RANBP9: variants seen among roughly 807,000 people sequenced by gnomAD.
The protein encoded by RANBP9 is RAN binding protein 9.
Under a neutral mutation model 84.3 loss-of-function variants are expected in RANBP9, and 15 were observed. The observed-to-expected ratio is 0.18, with a 90% CI of 0.12 to 0.27. The LOEUF is 0.27. RANBP9 is among the 10% of genes least tolerant of loss of function. RANBP9 has a pLI of 1.00. For synonymous variants in RANBP9, 392 were observed against 349.6 expected (o/e 1.12, Z -1.35); for missense variants, 809 against 912.8 (o/e 0.89, Z 1.46).
chr6:13,703,554 T>C (rs1758028372), intron 1 of RANBP9, among the ~76,000 whole-genome samples: 1 of 152,192 alleles, frequency 6.6e-6, no homozygotes, highest in African/African-American at 2.4e-5. Flanking sequence ...TCAACACAGG[T>C]TAGCACCTGA....
chr6:13,682,543 C>G (rs1031666615), intron 2 of RANBP9, among the ~76,000 whole-genome samples: 3 of 152,032 alleles, frequency 2.0e-5, no homozygotes, highest in African/African-American at 7.3e-5. Flanking sequence ...ACCTCCGCCT[C>G]CTGGGTTCAA....
intron 12 of RANBP9, among the ~76,000 whole-genome samples, chr6:13,629,699 T>C (rs1764720338): frequency 6.6e-6 from 1 of 152,066 alleles, no homozygotes; most frequent in Middle Eastern, 3.2e-3. Context: ...AAAAATTCAA[T>C]AAACAGCTGC....
chr6:13,673,756 C>T (rs1215760173), intron 2 of RANBP9, among the ~76,000 whole-genome samples: 1 of 151,864 alleles, frequency 6.6e-6, no homozygotes, highest in Non-Finnish European at 1.5e-5. Context: ...GTATTTTATA[C>T]AGAAAAGAAA....
At chr6:13,646,843 A>C (rs1584920769) in intron 5 of RANBP9, among the ~76,000 whole-genome samples, 2 of 152,366 alleles carry the variant, frequency 1.3e-5, no homozygotes, top group South Asian at 4.1e-4. Context: ...AAATTCTTAA[A>C]AAAGGCAATG....
At chr6:13,702,233 A>C (rs908992648) in intron 1 of RANBP9, among the ~76,000 whole-genome samples, 3 of 152,058 alleles carry the variant, frequency 2.0e-5, no homozygotes, top group African/African-American at 7.2e-5. Flanking sequence ...ACTTGAGGTC[A>C]GGAGTTCGAG....
At chr6:13,668,101 C>G (rs1765691966) in intron 2 of RANBP9, among the ~76,000 whole-genome samples, 1 of 151,928 alleles carries the variant, frequency 6.6e-6, no homozygotes, top group African/African-American at 2.4e-5. Flanking sequence ...AATTACTAAA[C>G]ATCAGGAATT....
At chr6:13,667,557 G>A (rs952979066) in intron 2 of RANBP9, among the ~76,000 whole-genome samples, 3 of 152,150 alleles carry the variant, frequency 2.0e-5, no homozygotes, top group Non-Finnish European at 4.4e-5. Context: ...GATTATAATG[G>A]AGCTGTTCTA....
At chr6:13,680,168 T>C (rs566714882) in intron 2 of RANBP9, among the ~76,000 whole-genome samples, 78 of 152,202 alleles carry the variant, frequency 5.1e-4, no homozygotes, top group Admixed American at 7.9e-4. Flanking sequence ...TAGAAGAAGT[T>C]AGTCAAAGAA....
intron 2 of RANBP9, among the ~76,000 whole-genome samples, chr6:13,690,792 T>TA: frequency 6.6e-6 from 1 of 152,268 alleles, no homozygotes; most frequent in Admixed American, 6.5e-5. Context: ...ACAGACTCCT[T>TA]AAAGAAATTC....
At chr6:13,642,453 T>C (rs369410862) in intron 7 of RANBP9, 26 bp downstream of exon 7, 2 of 1,287,316 alleles carry the variant, frequency 1.6e-6, no homozygotes, top group South Asian at 1.8e-5. Flanking sequence ...AAAACAAATG[T>C]TAGCCATGCA....
chr6:13,695,465 G>A (rs1766424630), intron 2 of RANBP9, among the ~76,000 whole-genome samples: 1 of 141,384 alleles, frequency 7.1e-6, no homozygotes, highest in South Asian at 2.2e-4. Flanking sequence ...AAATGCCTGT[G>A]GGACATTCAA....
In RANBP9 at chr6:13,652,555, A is replaced by C. The variant is rs1215605588; in HGVS notation, c.927+104T>G. 4.5e-6 allele frequency: 5 copies of C among 1,101,902 alleles called. No homozygotes were observed. In the African/African-American group the frequency reaches 8.0e-5, roughly 18 times the overall value. The allele number at this position is 1,101,902 out of a possible 1,614,324, so 68.3% of individuals were successfully genotyped here. On this transcript the variant is annotated intron_variant, in intron 5 of 13. Coordinates refer to ENST00000011619, the MANE Select transcript of RANBP9 (RefSeq NM_005493.3). ...TTTGCATGTCATATAAACCTAATAAATATCAATAAGACTGTATTTTAAACT... is the reference window on the plus strand; with the variant it reads ...TTTGCATGTCATATAAACCTAATAACTATCAATAAGACTGTATTTTAAACT...
intron 3 of RANBP9, 124 bp from the exon 4 acceptor site, chr6:13,657,400 C>T (rs1765424667): frequency 1.5e-6 from 1 of 673,346 alleles, no homozygotes. Context: ...TCCCAATGTA[C>T]ATTTAAATTC....
chr6:13,669,902 G>A (rs1459324225), intron 2 of RANBP9, among the ~76,000 whole-genome samples: 2 of 151,652 alleles, frequency 1.3e-5, no homozygotes, highest in Non-Finnish European at 2.9e-5. Flanking sequence ...TAGATGAATT[G>A]ATTTTTGACA....
chr6:13,695,893 G>A (rs1356602065), intron 2 of RANBP9, among the ~76,000 whole-genome samples: 1 of 151,644 alleles, frequency 6.6e-6, no homozygotes, highest in Non-Finnish European at 1.5e-5. Flanking sequence ...ACCACTAAGA[G>A]GGGTTTGATT....
chr6:13,709,502 CAT>C (rs1413842916), intron 1 of RANBP9, among the ~76,000 whole-genome samples: 2 of 152,214 alleles, frequency 1.3e-5, no homozygotes, highest in African/African-American at 4.8e-5. Flanking sequence ...CACCTCATAA[CAT>C]AGCACCGTTC....
intron 13 of RANBP9, 68 bp downstream of exon 13, chr6:13,625,585 G>GT: frequency 8.7e-7 from 1 of 1,152,484 alleles, no homozygotes; most frequent in Admixed American, 1.7e-5. Context: ...GTAAATGCCA[G>GT]TACAAACACC....
At position 13,680,465 on chromosome 6, in the gene RANBP9, C is replaced by T. The variant is rs550261465; in HGVS notation, c.683+16320G>A. Among the ~76,000 whole-genome samples the T allele has an allele frequency of 2.6e-5, 4 of 152,088 alleles. No individual in the cohort carries two copies. The South Asian group carries it at 8.3e-4, about 32-fold the overall frequency. On this transcript the variant is annotated intron_variant, in intron 2 of 13. Transcript: ENST00000011619. The stretch of plus-strand genomic sequence containing the variant: ...GCTCATAAAAAAACATGGCTGGGTA[C>T]AGTGGTTCATGCGTGTAATCCCAGC...
At chr6:13,677,368 T>C (rs1246416437) in intron 2 of RANBP9, among the ~76,000 whole-genome samples, 1 of 151,828 alleles carries the variant, frequency 6.6e-6, no homozygotes, top group Non-Finnish European at 1.5e-5. Context: ...AATAGAAAAA[T>C]AGCCTATGTT....
Sources: gnomAD v4.1 joint callset for allele counts (sites outside exome capture counted in the v4.1 genomes callset) on GRCh38, gnomAD v4.1.1 for gene constraint, MANE v1.5 for transcripts, NCBI Gene and HGNC (gene_info 2026-07-23, HGNC 2026-07-21) for gene names.